Variants in PALM2AKAP2 observed in about 807,000 individuals in gnomAD.
PALM2AKAP2 encodes PALM2-AKAP2 fusion protein.
In PALM2AKAP2, 37 loss-of-function variants were observed where a neutral mutation model predicts 71.5. The observed-to-expected ratio is 0.52, with a 90% CI of 0.40 to 0.68. The LOEUF (loss-of-function observed/expected upper bound fraction) is 0.68, where lower values mean the gene tolerates loss of function less well. Among genes scored for constraint, PALM2AKAP2 ranks in the 30% least tolerant of loss-of-function variants. The pLI, the probability that PALM2AKAP2 is intolerant of heterozygous loss-of-function variation, is 0.00. For synonymous variants in PALM2AKAP2, 468 were observed against 478.8 expected (o/e 0.98, Z 0.29); for missense variants, 1,224 against 1,191.8 (o/e 1.03, Z -0.40).
At chr9:110,076,088 C>T (rs1834314519) in intron 1 of PALM2AKAP2, among the ~76,000 whole-genome samples, 1 of 152,114 alleles carries the variant, frequency 6.6e-6, no homozygotes, top group Non-Finnish European at 1.5e-5. Flanking sequence ...TTTACCCCAA[C>T]ACCAGGATCC....
chr9:109,773,556 T>G (rs1564142546), intron 1 of PALM2AKAP2, among the ~76,000 whole-genome samples: 1 of 152,244 alleles, frequency 6.6e-6, no homozygotes, highest in Non-Finnish European at 1.5e-5. Context: ...CTCAGAGCAC[T>G]TTCTCATTCA....
In PALM2AKAP2 at chr9:109,709,020, G is replaced by A. The variant is rs140255884; in HGVS notation, c.5+68154G>A. ...ACAGAGGGTTGGTCAGCAGGGATGG[G>A]GCCAGCTATAGTGGTACTTGAGCCT... On this transcript the variant is annotated intron_variant, in intron 1 of 6. Transcript: ENST00000374531. 4.1e-3 allele frequency among the ~76,000 whole-genome samples: 628 copies of A among 152,250 alleles called. 4 individuals are homozygous for A. The highest frequency in any genetic ancestry group is 0.01 in the Middle Eastern group (3 of 294).
intron 2 of PALM2AKAP2, among the ~76,000 whole-genome samples, chr9:110,148,896 G>A (rs1367244037): frequency 1.3e-5 from 2 of 152,158 alleles, no homozygotes; most frequent in Admixed American, 1.3e-4. Context: ...CCCATTCCTG[G>A]CTTTTTAAAA....
At chr9:110,006,510 G>A (rs184806146) in intron 6 of PALM2AKAP2, among the ~76,000 whole-genome samples, 4 of 151,708 alleles carry the variant, frequency 2.6e-5, no homozygotes, top group African/African-American at 9.7e-5. Flanking sequence ...TTAGACCTAT[G>A]CCACCATGCT....
At chr9:109,716,964 G>C (rs1158440589) in intron 1 of PALM2AKAP2, among the ~76,000 whole-genome samples, 1 of 152,138 alleles carries the variant, frequency 6.6e-6, no homozygotes, top group South Asian at 2.1e-4. Context: ...TGGGATGTCT[G>C]GTTTTCTTAA....
chr9:109,997,218 A>G (rs988435363), intron 6 of PALM2AKAP2, among the ~76,000 whole-genome samples: 2 of 152,120 alleles, frequency 1.3e-5, no homozygotes, highest in African/African-American at 2.4e-5. Context: ...ATAATAAAGT[A>G]ATAAAAAGTA....
At chr9:110,042,712 G>A (rs1833529841) in intron 7 of PALM2AKAP2, among the ~76,000 whole-genome samples, 2 of 152,078 alleles carry the variant, frequency 1.3e-5, no homozygotes, top group African/African-American at 2.4e-5. Context: ...TTTTTATCTT[G>A]AGGCACAATG....
chr9:110,056,306 G>A (rs1399356865), intron 1 of PALM2AKAP2, among the ~76,000 whole-genome samples: 1 of 152,208 alleles, frequency 6.6e-6, no homozygotes. Flanking sequence ...GGATAATATA[G>A]CATCTTACTT....
rs960978096 is a variant in PALM2AKAP2 at position 109,867,360 on chromosome 9, A to G, written c.46-131A>G. 7 of 999,938 alleles carry G rather than the reference A, an allele frequency of 7.0e-6. No individual in the cohort carries two copies. The African/African-American group carries it at 9.8e-5, about 14-fold the overall frequency. The allele number at this position is 999,938 out of a possible 1,614,324, so 61.9% of individuals were successfully genotyped here. A position where few individuals can be genotyped will look rare whatever the true frequency, so the allele number is the denominator to read the frequency against. ...ACCCAGAGACGGTGGGGCAGGTGAC[A>G]CTGCGTGTGTGCCCGGTGTCTCTGG... On this transcript the variant is annotated intron_variant, in intron 1 of 9. Transcript: ENST00000302798.
intron 1 of PALM2AKAP2, among the ~76,000 whole-genome samples, chr9:110,081,044 G>A (rs562385227): frequency 6.6e-6 from 1 of 152,296 alleles, no homozygotes; most frequent in African/African-American, 2.4e-5. Context: ...AATAATCTGT[G>A]GTTTGTGTTA....
chr9:110,164,982 C>T (rs936942871), intron 3 of PALM2AKAP2, among the ~76,000 whole-genome samples: 2 of 152,120 alleles, frequency 1.3e-5, no homozygotes, highest in Non-Finnish European at 2.9e-5. Flanking sequence ...CAACTCTGCA[C>T]CCAGAGTGCA....
chr9:109,804,592 C>A (rs989600759), intron 1 of PALM2AKAP2, among the ~76,000 whole-genome samples: 1 of 152,112 alleles, frequency 6.6e-6, no homozygotes, highest in Non-Finnish European at 1.5e-5. Context: ...CAATTTCCTG[C>A]TAGTCTTCTA....
chr9:109,928,757 C>T (rs1282235470), intron 5 of PALM2AKAP2, among the ~76,000 whole-genome samples: 3 of 151,660 alleles, frequency 2.0e-5, no homozygotes, highest in East Asian at 1.9e-4. Flanking sequence ...CTGCAACGTC[C>T]GCCTCCAGGG....
intron 3 of PALM2AKAP2, among the ~76,000 whole-genome samples, chr9:109,893,933 A>G (rs2131822605): frequency 6.6e-6 from 1 of 152,044 alleles, no homozygotes; most frequent in East Asian, 1.9e-4. Context: ...TCATCTCTGT[A>G]ACAAACCTGC....
rs542467637 is a variant in PALM2AKAP2 at position 110,109,318 on chromosome 9, C to CAAAAAAAA, written c.157-26798_157-26791dup. Among the ~76,000 whole-genome samples, 446 of 79,330 alleles carry CAAAAAAAA rather than the reference C, an allele frequency of 5.6e-3. 3 individuals carry two copies. Among genetic ancestry groups the CAAAAAAAA allele is most frequent in the Middle Eastern group, 7.9e-3 (1 of 126 alleles). The allele number at this position is 79,330 out of a possible 152,430, so 52.0% of individuals were successfully genotyped here. ...GGCAACAAGAGGGAATCTTTGTCTC[C>CAAAAAAAA]AAAAAAAAAAAAAAAAAACCAGAAA... On this transcript the variant is annotated intron_variant, in intron 1 of 3. Transcript: ENST00000374525.
At chr9:110,014,036 G>A (rs1387890142) in intron 6 of PALM2AKAP2, among the ~76,000 whole-genome samples, 2 of 152,102 alleles carry the variant, frequency 1.3e-5, no homozygotes, top group African/African-American at 4.8e-5. Context: ...ACTCTACAAG[G>A]GCAGATTGAG....
chr9:109,908,525 T>C (rs1830499558), intron 3 of PALM2AKAP2, among the ~76,000 whole-genome samples: 1 of 152,228 alleles, frequency 6.6e-6, no homozygotes, highest in Non-Finnish European at 1.5e-5. Context: ...AGTAGATATT[T>C]TACCAAGTGC....
chr9:109,859,806 C>A (rs1320459841), intron 1 of PALM2AKAP2, among the ~76,000 whole-genome samples: 1 of 152,258 alleles, frequency 6.6e-6, no homozygotes, highest in Non-Finnish European at 1.5e-5. Flanking sequence ...GAAAACCTAC[C>A]TTACTTGTTC....
At chr9:109,779,105 A>G (rs115353510), upstream of PALM2AKAP2, among the ~76,000 whole-genome samples, 3,740 of 152,264 alleles carry the variant, frequency 0.025, 164 homozygotes, top group African/African-American at 0.086. Flanking sequence ...TTTAAATCCT[A>G]TGGCTCTAAA....
Sources: gnomAD v4.1 joint callset for allele counts (sites outside exome capture counted in the v4.1 genomes callset) on GRCh38, gnomAD v4.1.1 for gene constraint, MANE v1.5 for transcripts, NCBI Gene and HGNC (gene_info 2026-07-23, HGNC 2026-07-21) for gene names.